UNC5C: variants seen among roughly 807,000 people sequenced by gnomAD.
The protein encoded by UNC5C is unc-5 netrin receptor C.
In UNC5C, 47 loss-of-function variants were observed where a neutral mutation model predicts 99.8. The observed-to-expected ratio is 0.47, with a 90% confidence interval of 0.37 to 0.60. UNC5C has a LOEUF of 0.60. Ranked by LOEUF, UNC5C falls within the 20% of genes least tolerant of loss-of-function variation. UNC5C has a pLI of 0.00. For synonymous variants in UNC5C, 487 were observed against 452.2 expected, an observed-to-expected ratio of 1.08 and a Z score of -0.98; for missense variants, 1,062 against 1,165.9, an observed-to-expected ratio of 0.91 and a Z score of 1.30.
At chr4:95,267,754 G>A (rs1740499230) in intron 4 of UNC5C, among the ~76,000 whole-genome samples, 1 of 151,760 alleles carries the variant, frequency 6.6e-6, no homozygotes, top group African/African-American at 2.4e-5. Flanking sequence ...TCTTTCTAAA[G>A]CCTTGCCAAG....
intron 1 of UNC5C, among the ~76,000 whole-genome samples, chr4:95,343,100 C>T (rs1474663609): frequency 6.6e-6 from 1 of 152,096 alleles, no homozygotes; most frequent in Non-Finnish European, 1.5e-5. Flanking sequence ...ACTTGCTTCT[C>T]TGGAGGGAAG....
intron 1 of UNC5C, among the ~76,000 whole-genome samples, chr4:95,444,391 T>C (rs1303230162): frequency 2.0e-5 from 3 of 150,216 alleles, no homozygotes; most frequent in South Asian, 2.1e-4. Flanking sequence ...AGTGCAGTGG[T>C]GCGATCTCCG....
At chr4:95,473,505 C>A (rs1284807061) in intron 1 of UNC5C, among the ~76,000 whole-genome samples, 1 of 152,056 alleles carries the variant, frequency 6.6e-6, no homozygotes. Context: ...TATCTTTAGA[C>A]TTTGTGATAA....
At chr4:95,190,902 G>A (rs912456628) in intron 12 of UNC5C, among the ~76,000 whole-genome samples, 2 of 152,180 alleles carry the variant, frequency 1.3e-5, no homozygotes. Flanking sequence ...TGCTCCAAAG[G>A]CAGGACAAGA....
intron 7 of UNC5C, among the ~76,000 whole-genome samples, chr4:95,238,043 AATACATAC>A (rs560683783): frequency 2.9e-5 from 3 of 102,502 alleles, no homozygotes; most frequent in Non-Finnish European, 6.4e-5. Context: ...TCTCTAAATA[AATACATAC>A]ATACATACAT....
chr4:95,438,466 C>T (rs1746852917), intron 1 of UNC5C, among the ~76,000 whole-genome samples: 1 of 151,982 alleles, frequency 6.6e-6, no homozygotes, highest in Admixed American at 6.6e-5. Context: ...ATAAAATGAA[C>T]ACAAAAATAC....
chr4:95,525,087 C>A (rs1309071978), intron 1 of UNC5C, among the ~76,000 whole-genome samples: 1 of 152,156 alleles, frequency 6.6e-6, no homozygotes, highest in Non-Finnish European at 1.5e-5. Flanking sequence ...AAAAGAAACA[C>A]TGCACACAGA....
chr4:95,454,362 A>C (rs1466669795), intron 1 of UNC5C, among the ~76,000 whole-genome samples: 1 of 152,104 alleles, frequency 6.6e-6, no homozygotes, highest in Non-Finnish European at 1.5e-5. Context: ...AGAAAGAAAA[A>C]TCAGCAAGAA....
At position 95,164,292 on chromosome 4, in the gene UNC5C, A is replaced by G. The variant is rs972176650; in HGVS notation, c.*4942T>C. On this transcript the variant is annotated 3_prime_UTR_variant, in exon 16 of 16. Transcript: ENST00000453304. Reference sequence around the variant, plus strand: ...CTGGCCTGTATGGATATGGGTTTACATAACATTGGTTACAATATATTTATT... The same window carrying G: ...CTGGCCTGTATGGATATGGGTTTACGTAACATTGGTTACAATATATTTATT... 1 of 152,248 alleles carries G rather than the reference A, an allele frequency of 6.6e-6. No individual in the cohort carries two copies. Among genetic ancestry groups the G allele is most frequent in the African/African-American group, 2.4e-5 (1 of 41,470 alleles). The allele number at this position is 152,248 out of a possible 1,614,324, so 9.4% of individuals were successfully genotyped here. A position where few individuals can be genotyped will look rare whatever the true frequency, so the allele number is the denominator to read the frequency against.
intron 1 of UNC5C, among the ~76,000 whole-genome samples, chr4:95,409,334 T>C (rs901370338): frequency 6.6e-6 from 1 of 152,156 alleles, no homozygotes; most frequent in Non-Finnish European, 1.5e-5. Flanking sequence ...TGCACTCTCA[T>C]CCATCACTCC....
chr4:95,475,456 C>T (rs1011693175), intron 1 of UNC5C, among the ~76,000 whole-genome samples: 1 of 151,984 alleles, frequency 6.6e-6, no homozygotes, highest in African/African-American at 2.4e-5. Flanking sequence ...TAAAAACAAC[C>T]AGTGCTAATG....
intron 14 of UNC5C, among the ~76,000 whole-genome samples, chr4:95,175,592 A>G (rs1045733807): frequency 2.6e-5 from 4 of 151,706 alleles, no homozygotes; most frequent in African/African-American, 9.7e-5. Context: ...TCTGGCTTGT[A>G]GAGTTTCTGC....
At chr4:95,265,609 A>G (rs552516015) in intron 4 of UNC5C, among the ~76,000 whole-genome samples, 1 of 152,228 alleles carries the variant, frequency 6.6e-6, no homozygotes, top group African/African-American at 2.4e-5. Context: ...CCCCAAATAC[A>G]TATTTGCCTG....
chr4:95,452,239 T>C (rs966366812), intron 1 of UNC5C, among the ~76,000 whole-genome samples: 2 of 147,308 alleles, frequency 1.4e-5, no homozygotes, highest in African/African-American at 5.1e-5. Context: ...GTCAACTCTT[T>C]GCATATAACT....
At chr4:95,236,168 A>G (rs1739102905) in intron 7 of UNC5C, among the ~76,000 whole-genome samples, 1 of 152,202 alleles carries the variant, frequency 6.6e-6, no homozygotes, top group African/African-American at 2.4e-5. Context: ...ACAATAGCAA[A>G]GAACTGGAAC....
intron 10 of UNC5C, among the ~76,000 whole-genome samples, chr4:95,215,169 A>T (rs972585447): frequency 2.6e-5 from 4 of 152,232 alleles, no homozygotes; most frequent in Non-Finnish European, 5.9e-5. Context: ...TTTTCTGAGG[A>T]TGAGAGCTGG....
intron 12 of UNC5C, among the ~76,000 whole-genome samples, chr4:95,196,228 TAATG>T (rs1737376928): frequency 1.3e-5 from 2 of 152,158 alleles, no homozygotes; most frequent in South Asian, 4.1e-4. Context: ...TCATTGCAAA[TAATG>T]AAAGGAAAAC....
chr4:95,445,296 C>G (rs1747066692), intron 1 of UNC5C, among the ~76,000 whole-genome samples: 1 of 151,552 alleles, frequency 6.6e-6, no homozygotes, highest in African/African-American at 2.4e-5. Flanking sequence ...TGCCCTCCAA[C>G]CCTTTTTTTC....
rs182966331 is a variant in UNC5C at position 95,383,837 on chromosome 4, G to A, written c.125-48206C>T. ...TAAACTTCCCAGTTTTTAATAAATG[G>A]AGACATGGACATTCTCATTACATTA... On this transcript the variant is annotated intron_variant, in intron 1 of 15. Coordinates refer to ENST00000453304, the MANE Select transcript of UNC5C (RefSeq NM_003728.4). 1.2e-4 allele frequency among the ~76,000 whole-genome samples: 19 copies of A among 152,210 alleles called. No individual in the cohort carries two copies. The East Asian group carries it at 3.5e-3, about 28-fold the overall frequency.
Sources: allele counts gnomAD v4.1 joint callset (sites outside exome capture counted in the v4.1 genomes callset), GRCh38; gene constraint gnomAD v4.1.1; transcripts MANE v1.5; gene names NCBI Gene and HGNC (gene_info 2026-07-23, HGNC 2026-07-21).